SYT14: variants seen among roughly 807,000 people sequenced by gnomAD.
SYT14 encodes the protein synaptotagmin 14.
A neutral mutation model predicts 74.2 loss-of-function variants in SYT14; 32 were observed. The ratio of observed to expected loss-of-function variants is 0.43; its 90% confidence interval spans 0.33 to 0.58. The LOEUF (loss-of-function observed/expected upper bound fraction) is 0.58. Among genes scored for constraint, SYT14 ranks in the 20% least tolerant of loss-of-function variants. SYT14 has a pLI of 0.05. For missense variants in SYT14, 791 were observed against 981.8 expected, an observed-to-expected ratio of 0.81 and a Z score of 2.60; for synonymous variants, 298 against 337.7, an observed-to-expected ratio of 0.88 and a Z score of 1.29.
Position 210,052,665 on chromosome 1 carries a change from C to CAAAAAAAAAAAAAAAAAAAA in SYT14, c.1312+31430_1312+31431insAAAAAAAAAAAAAAAAAAAA, listed in dbSNP as rs561069342. Among the ~76,000 whole-genome samples the CAAAAAAAAAAAAAAAAAAAA allele has an allele frequency of 2.0e-3, 84 of 42,236 alleles. 9 individuals carry two copies. Among genetic ancestry groups the CAAAAAAAAAAAAAAAAAAAA allele is most frequent in the Non-Finnish European group, 2.6e-3 (61 of 23,608 alleles). The allele number at this position is 42,236 out of a possible 152,430, so 27.7% of individuals were successfully genotyped here. On this transcript the variant is annotated intron_variant, in intron 5 of 9. Coordinates refer to ENST00000637265, the Ensembl canonical transcript of SYT14. ...CAGCAAGAGCGAAACTACATCTCAC[C>CAAAAAAAAAAAAAAAAAAAA]AAAAAAAAAAAAAAAAAAAGCTCTC...
chr1:210,149,243 G>A (rs1432358686), intron 7 of SYT14, among the ~76,000 whole-genome samples: 2 of 141,806 alleles, frequency 1.4e-5, no homozygotes, highest in Non-Finnish European at 3.0e-5. Flanking sequence ...GGAGTACAAT[G>A]GCATGATGTC....
At chr1:210,146,238 T>G (rs917453618) in intron 7 of SYT14, among the ~76,000 whole-genome samples, 3 of 152,090 alleles carry the variant, frequency 2.0e-5, no homozygotes, top group Non-Finnish European at 4.4e-5. Flanking sequence ...CTTGGAAGGC[T>G]GAGGCATGAG....
intron 5 of SYT14, among the ~76,000 whole-genome samples, chr1:210,086,183 G>T (rs1046041177): frequency 2.6e-5 from 4 of 152,070 alleles, no homozygotes; most frequent in South Asian, 2.1e-4. Context: ...ATCAGGTGGG[G>T]TACAATTTTG....
rs147126428 is a variant in SYT14, at chr1:209,947,386, A to C, written c.-533-5323A>C. Among the ~76,000 whole-genome samples the C allele has an allele frequency of 3.7e-3, 561 of 152,322 alleles. 3 individuals are homozygous for C. The highest frequency in any genetic ancestry group is 0.013 in the African/African-American group (533 of 41,574). Reference sequence around the variant, plus strand: ...ATTTGTGATTCATTAGAGGAGGCCAAAATATCAACATTAATAGGAGTTTGG... The same window carrying C: ...ATTTGTGATTCATTAGAGGAGGCCACAATATCAACATTAATAGGAGTTTGG... On this transcript the variant is annotated intron_variant, in intron 1 of 9. Coordinates refer to ENST00000637265, the Ensembl canonical transcript of SYT14.
chr1:210,078,092 C>T (rs1030120966), intron 5 of SYT14, among the ~76,000 whole-genome samples: 12 of 152,082 alleles, frequency 7.9e-5, no homozygotes, highest in South Asian at 6.2e-4. Flanking sequence ...GGGCGGATCA[C>T]GAGGTCAAGA....
chr1:209,959,619 C>T (rs1363950411), intron 2 of SYT14, among the ~76,000 whole-genome samples: 1 of 151,976 alleles, frequency 6.6e-6, no homozygotes, highest in Non-Finnish European at 1.5e-5. Context: ...AGAAAGAAAC[C>T]AGACATAAAA....
intron 5 of SYT14, among the ~76,000 whole-genome samples, chr1:210,082,825 A>G (rs1293151471): frequency 6.6e-6 from 1 of 152,204 alleles, no homozygotes; most frequent in Non-Finnish European, 1.5e-5. Context: ...TTACTTGCTG[A>G]TGTGAGTATG....
At chr1:210,162,770 T>A (rs1283093845) in exon 10 of SYT14, 1 of 445,142 alleles carries the variant, frequency 2.2e-6, no homozygotes, top group South Asian at 1.6e-5. Flanking sequence ...TCTGTATTTT[T>A]TTAGTTTAAA....
chr1:210,021,511 A>T (rs975988479), intron 5 of SYT14, among the ~76,000 whole-genome samples: 1 of 152,242 alleles, frequency 6.6e-6, no homozygotes, highest in African/African-American at 2.4e-5. Flanking sequence ...CACAGTGAAC[A>T]TATGCTTAGC....
At chr1:210,066,744 T>C (rs1207167110) in intron 5 of SYT14, among the ~76,000 whole-genome samples, 1 of 152,128 alleles carries the variant, frequency 6.6e-6, no homozygotes, top group Non-Finnish European at 1.5e-5. Context: ...ATCCCATTTG[T>C]CAATTTTGGC....
intron 5 of SYT14, among the ~76,000 whole-genome samples, chr1:210,059,451 T>TATATATATATATAGAGAGAGAG (rs377050610): frequency 1.0e-4 from 7 of 69,904 alleles, no homozygotes; most frequent in African/African-American, 3.9e-4. Context: ...TATATATATA[T>TATATATATATATAGAGAGAGAG]AGAGAGAGAG....
chr1:210,122,641 A>G (rs1465992485), intron 7 of SYT14, among the ~76,000 whole-genome samples: 1 of 151,380 alleles, frequency 6.6e-6, no homozygotes, highest in African/African-American at 2.4e-5. Flanking sequence ...AAAATGTAAA[A>G]CCTTTCTTAG....
At chr1:209,955,531 C>T (rs917487548) in intron 2 of SYT14, among the ~76,000 whole-genome samples, 13 of 151,902 alleles carry the variant, frequency 8.6e-5, no homozygotes, top group African/African-American at 3.1e-4. Context: ...GTCTAGTTCT[C>T]TGTGTTTTTT....
intron 5 of SYT14, among the ~76,000 whole-genome samples, chr1:210,051,155 T>G (rs2080987135): frequency 6.6e-6 from 1 of 152,236 alleles, no homozygotes; most frequent in Admixed American, 6.5e-5. Flanking sequence ...GCAAAATTCA[T>G]GTATGTATTA....
At chr1:210,022,601 A>G (rs934235103) in intron 5 of SYT14, among the ~76,000 whole-genome samples, 7 of 152,226 alleles carry the variant, frequency 4.6e-5, no homozygotes, top group Non-Finnish European at 8.8e-5. Flanking sequence ...ACCTTTGGCA[A>G]TATAGTTCAT....
At chr1:210,057,119 A>G (rs1214979149) in intron 5 of SYT14, among the ~76,000 whole-genome samples, 1 of 152,158 alleles carries the variant, frequency 6.6e-6, no homozygotes, top group African/African-American at 2.4e-5. Flanking sequence ...TGCAGGGATT[A>G]CAGGCATGAG....
intron 4 of SYT14, among the ~76,000 whole-genome samples, chr1:210,019,141 A>AAG: frequency 6.6e-6 from 1 of 151,238 alleles, no homozygotes; most frequent in Middle Eastern, 3.4e-3. Context: ...CAAAAAAAAA[A>AAG]AAAAAAAAAA....
At chr1:210,006,064 G>A (rs1366437751) in intron 2 of SYT14, among the ~76,000 whole-genome samples, 1 of 151,786 alleles carries the variant, frequency 6.6e-6, no homozygotes, top group African/African-American at 2.4e-5. Flanking sequence ...CTCTTAGAGG[G>A]CATTTTTTTT....
chr1:209,966,403 A>G (rs1254145920), intron 2 of SYT14, among the ~76,000 whole-genome samples: 2 of 152,184 alleles, frequency 1.3e-5, no homozygotes, highest in Non-Finnish European at 2.9e-5. Flanking sequence ...ACTGTGTTAG[A>G]AAAAAACACC....
Sources: gnomAD v4.1 joint callset for allele counts (sites outside exome capture counted in the v4.1 genomes callset) on GRCh38, gnomAD v4.1.1 for gene constraint, MANE v1.5 for transcripts, NCBI Gene and HGNC (gene_info 2026-07-23, HGNC 2026-07-21) for gene names.